Variants in P3H2 observed in about 807,000 individuals in gnomAD.
P3H2 encodes prolyl 3-hydroxylase 2, also known as leprecan-like 1.
P3H2 carries 80 observed loss-of-function variants against 87.0 expected under a neutral mutation model. The ratio of observed to expected loss-of-function variants is 0.92; its 90% CI spans 0.77 to 1.11. P3H2 has a LOEUF of 1.11. Ranked by LOEUF, P3H2 falls within the 50% of genes least tolerant of loss-of-function variation. P3H2 has a pLI of 0.00. For missense variants in P3H2, 1,001 were observed against 923.9 expected, an observed-to-expected ratio of 1.08 and a Z score of -1.08; for synonymous variants, 367 against 359.3, an observed-to-expected ratio of 1.02 and a Z score of -0.24.
intron 13 of P3H2, among the ~76,000 whole-genome samples, chr3:189,965,723 C>T (rs180827677): frequency 1.3e-5 from 2 of 152,056 alleles, no homozygotes; most frequent in African/African-American, 4.8e-5. Context: ...TGGTGGCTCA[C>T]GCCTATAATC....
rs1235007101 is a variant in P3H2 at position 190,120,615 on chromosome 3, C to T, written c.117G>A (p.Gly39=). ...AGAGCAGGTCGAAGGGCTGCAGAGG[C>T]CCGGGCTCCAGCTCCAGCTCCCGGC... ...SPRRELELEP[G]PLQPFDLLYA... Residue 39 remains glycine, a synonymous_variant, in exon 1 of 15, where the codon GGG becomes GGA. Coordinates refer to ENST00000319332, the MANE Select transcript of P3H2 (RefSeq NM_018192.4). 2 of 1,540,624 alleles carry T rather than the reference C, an allele frequency of 1.3e-6. No individual in the cohort carries two copies. The highest frequency in any genetic ancestry group is 2.4e-5 in the South Asian group (2 of 83,810).
At chr3:190,025,560 G>A (rs1725063176) in intron 1 of P3H2, among the ~76,000 whole-genome samples, 1 of 152,146 alleles carries the variant, frequency 6.6e-6, no homozygotes, top group Admixed American at 6.5e-5. Flanking sequence ...TGCGGATAAT[G>A]TAAATTGGCA....
chr3:190,068,536 C>T (rs1399131388), intron 1 of P3H2, among the ~76,000 whole-genome samples: 1 of 152,152 alleles, frequency 6.6e-6, no homozygotes, highest in Non-Finnish European at 1.5e-5. Context: ...CAGGCTTACT[C>T]TAAATCTTTA....
Position 189,974,003 on chromosome 3 carries a change from C to T in P3H2, c.1454G>A (p.Gly485Glu). The change falls in exon 10 of 15, where the codon GGA (glycine) becomes GAA (glutamate). Residue 485 changes from glycine to glutamate, a missense_variant and splice_region_variant. Gly to Glu is a moderately conservative substitution (Grantham distance 98, BLOSUM62 -2). Transcript: ENST00000319332. ...GTATCCATCACCAACAAGCATGATTCCCTGGAAGCAAATACAAGAAGATAC... is the reference window on the plus strand; with the variant it reads ...GTATCCATCACCAACAAGCATGATTTCCTGGAAGCAAATACAAGAAGATAC... The part of the protein sequence containing the change: ...QCRELHSVAS[G>E]IMLVGDGYRG... 1 of 1,611,874 alleles carries T rather than the reference C, an allele frequency of 6.2e-7. No homozygotes were observed. Among genetic ancestry groups the T allele is most frequent in the Non-Finnish European group, 8.5e-7 (1 of 1,177,982 alleles).
chr3:189,974,459 A>T, intron 9 of P3H2, 99 bp downstream of exon 9: 1 of 1,479,882 alleles, frequency 6.8e-7, no homozygotes, highest in Non-Finnish European at 9.4e-7. Flanking sequence ...GCAATATTTC[A>T]GGGCTTGTTG....
At chr3:189,971,694 CTG>C (rs1228786272) in intron 12 of P3H2, 194 bp downstream of exon 12, 1 of 574,922 alleles carries the variant, frequency 1.7e-6, no homozygotes, top group Non-Finnish European at 3.2e-6. Flanking sequence ...GGGATGCAAA[CTG>C]TGCACAATTT....
At chr3:190,053,293 T>G (rs1688383485) in intron 1 of P3H2, among the ~76,000 whole-genome samples, 1 of 152,202 alleles carries the variant, frequency 6.6e-6, no homozygotes, top group South Asian at 2.1e-4. Context: ...TGGTGAAGTG[T>G]CTATTCAAAT....
At chr3:190,114,873 A>T (rs1167505904) in intron 1 of P3H2, among the ~76,000 whole-genome samples, 2 of 152,284 alleles carry the variant, frequency 1.3e-5, no homozygotes, top group East Asian at 3.8e-4. Context: ...TATTCTACAA[A>T]TAGGTAAAAA....
At chr3:190,042,382 T>C (rs544567843) in intron 1 of P3H2, among the ~76,000 whole-genome samples, 319 of 152,308 alleles carry the variant, frequency 2.1e-3, no homozygotes, top group African/African-American at 7.1e-3. Context: ...ACTCTGTGTG[T>C]CCTTGGTGTC....
At chr3:190,017,461 T>C (rs1481535334) in intron 1 of P3H2, among the ~76,000 whole-genome samples, 1 of 152,200 alleles carries the variant, frequency 6.6e-6, no homozygotes. Flanking sequence ...CTGTTGACTA[T>C]ATGGAGCCAG....
At chr3:190,007,370 AT>A (rs1392347575) in intron 1 of P3H2, among the ~76,000 whole-genome samples, 2 of 152,296 alleles carry the variant, frequency 1.3e-5, no homozygotes, top group South Asian at 4.1e-4. Context: ...TGGAAATAGT[AT>A]TTTTTAGGTG....
chr3:190,027,960 T>TC (rs1725133883), intron 1 of P3H2, among the ~76,000 whole-genome samples: 1 of 137,818 alleles, frequency 7.3e-6, no homozygotes, highest in Non-Finnish European at 1.6e-5. Context: ...AGAGCAAGAC[T>TC]CCATCGCAAA....
intron 12 of P3H2, 22 bp downstream of exon 12, chr3:189,971,868 T>C (rs1432800348): frequency 7.2e-7 from 1 of 1,398,256 alleles, no homozygotes; most frequent in East Asian, 2.3e-5. Context: ...AAGCTTTGTT[T>C]TGAAGCAGGT....
chr3:190,012,047 C>T (rs1003315241), intron 1 of P3H2, among the ~76,000 whole-genome samples: 2 of 152,040 alleles, frequency 1.3e-5, no homozygotes, highest in Non-Finnish European at 2.9e-5. Context: ...AGAAAGGAAG[C>T]AAAGGTAGAG....
intron 1 of P3H2, among the ~76,000 whole-genome samples, chr3:190,083,750 T>C (rs1727126038): frequency 1.3e-5 from 2 of 152,186 alleles, no homozygotes; most frequent in South Asian, 4.1e-4. Context: ...TCAAACCTTT[T>C]TTCTCTCCCT....
intron 1 of P3H2, among the ~76,000 whole-genome samples, chr3:190,092,894 C>T (rs372478369): frequency 3.9e-5 from 6 of 152,092 alleles, no homozygotes; most frequent in South Asian, 2.1e-4. Flanking sequence ...TTTAAATCTC[C>T]GAGTCAATTC....
intron 1 of P3H2, among the ~76,000 whole-genome samples, chr3:190,103,580 C>G (rs1711717718): frequency 6.6e-6 from 1 of 152,144 alleles, no homozygotes; most frequent in African/African-American, 2.4e-5. Flanking sequence ...TCTAGAGGAG[C>G]TCATCTACAG....
At chr3:190,113,809 G>A (rs1712163832) in intron 1 of P3H2, among the ~76,000 whole-genome samples, 1 of 152,174 alleles carries the variant, frequency 6.6e-6, no homozygotes, top group African/African-American at 2.4e-5. Context: ...CGGGCGCAGT[G>A]GCTCGCGCCT....
At chr3:190,106,033 C>G (rs896168911) in intron 1 of P3H2, among the ~76,000 whole-genome samples, 5 of 151,988 alleles carry the variant, frequency 3.3e-5, no homozygotes, top group African/African-American at 1.2e-4. Context: ...CCCATGGGTA[C>G]AAGAAATCAG....
Sources: allele counts gnomAD v4.1 joint callset (sites outside exome capture counted in the v4.1 genomes callset), GRCh38; gene constraint gnomAD v4.1.1; transcripts MANE v1.5; gene names NCBI Gene and HGNC (gene_info 2026-07-23, HGNC 2026-07-21).